NBAS: variants seen among roughly 807,000 people sequenced by gnomAD.
The protein encoded by NBAS is NBAS subunit of NRZ tethering complex.
A neutral mutation model predicts 302.5 loss-of-function variants in NBAS; 219 were observed. The ratio of observed to expected loss-of-function variants is 0.72; its 90% CI spans 0.65 to 0.81. The LOEUF is 0.81. Among genes scored for constraint, NBAS ranks in the 30% least tolerant of loss-of-function variants. NBAS has a pLI of 0.00. For missense variants in NBAS, 2,932 were observed against 2,841.6 expected (o/e 1.03, Z -0.72); for synonymous variants, 1,118 against 1,021.6 (o/e 1.09, Z -1.80).
intron 25 of NBAS, among the ~76,000 whole-genome samples, chr2:15,405,157 T>C (rs1676348553): frequency 6.6e-6 from 1 of 152,220 alleles, no homozygotes; most frequent in Non-Finnish European, 1.5e-5. Flanking sequence ...CCGTTTGACT[T>C]TGACTTAAAT....
chr2:15,348,022 T>C (rs1050892722), intron 35 of NBAS, among the ~76,000 whole-genome samples: 10 of 152,238 alleles, frequency 6.6e-5, no homozygotes, highest in Admixed American at 4.6e-4. Flanking sequence ...AGTATTAAAG[T>C]AGATTACACA....
At chr2:14,800,970 G>A in the NBAS span, among the ~76,000 whole-genome samples, 1 of 151,746 alleles carries the variant, frequency 6.6e-6, no homozygotes, top group Non-Finnish European at 1.5e-5. Context: ...GTATGGTTAG[G>A]AAAAGTATTG....
chr2:15,266,288 C>A (rs372355365), intron 44 of NBAS, among the ~76,000 whole-genome samples: 10 of 152,302 alleles, frequency 6.6e-5, no homozygotes, highest in African/African-American at 2.4e-4. Context: ...ATGAATACAG[C>A]AGACATTGTT....
intron 9 of NBAS, among the ~76,000 whole-genome samples, chr2:15,529,669 G>T (rs1028808556): frequency 6.6e-6 from 1 of 152,102 alleles, no homozygotes. Flanking sequence ...TACTGTATAT[G>T]CAGTATCAAG....
At chr2:14,873,110 TGCTGATTGGTCCATTTTACAGACA>T in the NBAS span, among the ~76,000 whole-genome samples, 2 of 152,234 alleles carry the variant, frequency 1.3e-5, no homozygotes, top group South Asian at 4.1e-4. Flanking sequence ...ACCCACATCC[TGCTGATTGGTCCATTTTACAGACA>T]GCTGATTAGT....
chr2:15,475,422 T>G (rs145353546), intron 14 of NBAS, among the ~76,000 whole-genome samples: 1 of 152,140 alleles, frequency 6.6e-6, no homozygotes, highest in African/African-American at 2.4e-5. Flanking sequence ...TTTAAATGAC[T>G]AATCGAGGGA....
chr2:14,800,694 T>C, the NBAS span, among the ~76,000 whole-genome samples: 1 of 152,158 alleles, frequency 6.6e-6, no homozygotes, highest in Non-Finnish European at 1.5e-5. Context: ...CCCTCCTGTT[T>C]TCATATGCTT....
chr2:15,425,478 G>A (rs1290256150), intron 22 of NBAS, among the ~76,000 whole-genome samples: 1 of 152,128 alleles, frequency 6.6e-6, no homozygotes, highest in Non-Finnish European at 1.5e-5. Context: ...GCACTGCCTG[G>A]CACAAAGGAA....
At chr2:15,069,136 T>C in the NBAS span, among the ~76,000 whole-genome samples, 1 of 152,338 alleles carries the variant, frequency 6.6e-6, no homozygotes, top group Non-Finnish European at 1.5e-5. Flanking sequence ...GCACCACCTT[T>C]CCGTGCTACC....
the NBAS span, among the ~76,000 whole-genome samples, chr2:14,949,130 C>T: frequency 5.9e-5 from 9 of 152,100 alleles, no homozygotes; most frequent in South Asian, 2.1e-4. Flanking sequence ...CTTGAAACTA[C>T]GAAACTTCTA....
chr2:15,537,066 A>G (rs1446250779), intron 7 of NBAS, among the ~76,000 whole-genome samples: 2 of 152,218 alleles, frequency 1.3e-5, no homozygotes, highest in Non-Finnish European at 2.9e-5. Flanking sequence ...TAAAGATTTG[A>G]AGGCCTGTAC....
At chr2:15,005,681 G>T in the NBAS span, among the ~76,000 whole-genome samples, 1 of 152,338 alleles carries the variant, frequency 6.6e-6, no homozygotes, top group East Asian at 1.9e-4. Context: ...AAGAAAGCTT[G>T]GCTGCCTACC....
intron 49 of NBAS, among the ~76,000 whole-genome samples, chr2:15,189,099 A>G (rs1665222192): frequency 6.6e-6 from 1 of 152,200 alleles, no homozygotes; most frequent in Admixed American, 6.5e-5. Flanking sequence ...GGTGGCAAAC[A>G]CAAGTGCACT....
chr2:15,149,139 G>A, the NBAS span, among the ~76,000 whole-genome samples: 4 of 152,184 alleles, frequency 2.6e-5, no homozygotes, highest in Admixed American at 2.6e-4. Context: ...ACACTTAAAA[G>A]GTGATTAGTT....
chr2:14,993,879 C>A, the NBAS span, among the ~76,000 whole-genome samples: 10 of 152,118 alleles, frequency 6.6e-5, no homozygotes, highest in Non-Finnish European at 1.2e-4. Flanking sequence ...CTATTGAACA[C>A]CAACACAGTT....
At chr2:15,083,414 T>G in the NBAS span, among the ~76,000 whole-genome samples, 1 of 152,214 alleles carries the variant, frequency 6.6e-6, no homozygotes, top group Non-Finnish European at 1.5e-5. Flanking sequence ...TTTCTTTCTT[T>G]TTCTCCCCAG....
intron 10 of NBAS, among the ~76,000 whole-genome samples, chr2:15,510,117 G>A (rs1662069506): frequency 6.6e-6 from 1 of 152,074 alleles, no homozygotes; most frequent in Admixed American, 6.5e-5. Context: ...CAAAGTGATG[G>A]GATTACAGGC....
At chr2:15,145,160 T>C in the NBAS span, among the ~76,000 whole-genome samples, 1 of 152,116 alleles carries the variant, frequency 6.6e-6, no homozygotes, top group Non-Finnish European at 1.5e-5. Flanking sequence ...TGGCAAAGAA[T>C]AGACTGCTTG....
At chr2:14,905,191 T>A in the NBAS span, among the ~76,000 whole-genome samples, 37 of 152,328 alleles carry the variant, frequency 2.4e-4, 1 homozygote, top group South Asian at 6.2e-3. Flanking sequence ...TCTGGCAACA[T>A]CTTCACAGAC....
Sources: allele counts gnomAD v4.1 joint callset (sites outside exome capture counted in the v4.1 genomes callset), GRCh38; gene constraint gnomAD v4.1.1; transcripts MANE v1.5; gene names NCBI Gene and HGNC (gene_info 2026-07-23, HGNC 2026-07-21).